CGNL1: variants seen among roughly 807,000 people sequenced by gnomAD.
CGNL1 encodes the protein cingulin like 1.
In CGNL1, 132 loss-of-function variants were observed where a neutral mutation model predicts 141.2. The ratio of observed to expected loss-of-function variants is 0.93; its 90% CI spans 0.81 to 1.08. The LOEUF is 1.08. Among genes scored for constraint, CGNL1 ranks in the 50% least tolerant of loss-of-function variants. The probability of loss-of-function intolerance (pLI) is 0.00; values close to 1 mark genes in which losing one functional copy is unlikely to be tolerated. For missense variants in CGNL1, 1,870 were observed against 1,588.6 expected, an observed-to-expected ratio of 1.18 and a Z score of -3.01; for synonymous variants, 690 against 622.1, an observed-to-expected ratio of 1.11 and a Z score of -1.63.
At chr15:57,522,861 A>G (rs2031359796) in intron 10 of CGNL1, among the ~76,000 whole-genome samples, 1 of 152,174 alleles carries the variant, frequency 6.6e-6, no homozygotes, top group Non-Finnish European at 1.5e-5. Flanking sequence ...TTATCTGAGT[A>G]GTGTCTCTTC....
At chr15:57,517,768 T>C (rs2030929190) in intron 9 of CGNL1, among the ~76,000 whole-genome samples, 1 of 152,182 alleles carries the variant, frequency 6.6e-6, no homozygotes. Context: ...TTTGAGCCCA[T>C]TCATAAGGGC....
intron 1 of CGNL1, among the ~76,000 whole-genome samples, chr15:57,408,473 T>C (rs1260762396): frequency 5.3e-5 from 8 of 152,190 alleles, no homozygotes; most frequent in African/African-American, 1.9e-4. Context: ...AAGCAAAGTT[T>C]GGACAGTTTT....
Position 57,438,927 on chromosome 15 carries a change from T to C in CGNL1, c.928T>C (p.Tyr310His), listed in dbSNP as rs1287560449. The C allele has an allele frequency of 1.2e-6, 2 of 1,614,080 alleles. No homozygotes were observed. Among genetic ancestry groups the C allele is most frequent in the African/African-American group, 1.3e-5 (1 of 74,934 alleles). The change falls in exon 2 of 19, where the codon TAC becomes CAC. Residue 310 changes from tyrosine (Y) to histidine (H), a missense_variant. Tyr to His is a moderately conservative substitution (Grantham distance 83, BLOSUM62 2). Transcript: ENST00000281282. ...AACTCCCACGTCAGCCAACTCTTTG[T>C]ACAGGTTTTTACTGGATGATCAGGA... ...STTPTSANSL[Y>H]RFLLDDQECA...
chr15:57,548,528 G>C lies in CGNL1; in HGVS notation c.*1038G>C, dbSNP rs1171520136. ...ACAGGGGAAAGCCAGAAGGTTGCTTGTGTCTGTGACTGCAGCTATGGCCTT... is the reference window on the plus strand; with the variant it reads ...ACAGGGGAAAGCCAGAAGGTTGCTTCTGTCTGTGACTGCAGCTATGGCCTT... On this transcript the variant is annotated 3_prime_UTR_variant, in exon 19 of 19. Coordinates refer to ENST00000281282, the MANE Select transcript of CGNL1 (RefSeq NM_032866.5). 1 of 152,262 alleles carries C rather than the reference G, an allele frequency of 6.6e-6. No homozygotes were observed. The highest frequency in any genetic ancestry group is 2.4e-5 in the African/African-American group (1 of 41,450). The allele number at this position is 152,262 out of a possible 1,614,324, so 9.4% of individuals were successfully genotyped here. A position where few individuals can be genotyped will look rare whatever the true frequency, so the allele number is the denominator to read the frequency against.
intron 8 of CGNL1, among the ~76,000 whole-genome samples, chr15:57,488,940 T>C (rs1362757779): frequency 1.3e-5 from 2 of 152,182 alleles, no homozygotes; most frequent in Non-Finnish European, 2.9e-5. Context: ...CAGGTTGAAA[T>C]TGAAGCAGTA....
intron 8 of CGNL1, among the ~76,000 whole-genome samples, chr15:57,511,933 A>C (rs1383751799): frequency 6.6e-6 from 1 of 152,248 alleles, no homozygotes; most frequent in Non-Finnish European, 1.5e-5. Flanking sequence ...GGTTTTATTT[A>C]TGATGGTGCT....
At chr15:57,411,681 G>A (rs1361762480) in intron 1 of CGNL1, among the ~76,000 whole-genome samples, 2 of 151,522 alleles carry the variant, frequency 1.3e-5, no homozygotes, top group Non-Finnish European at 2.9e-5. Flanking sequence ...TTGACTTCAG[G>A]TGATCCACCC....
chr15:57,409,037 TCACACACACA>T lies in CGNL1; in HGVS notation c.-15-28921_-15-28912del, dbSNP rs59988268. ...GCCTGGGTGAGACAGTGAGACTCTG[TCACACACACA>T]CACACACACACACACACACACACAC... On this transcript the variant is annotated intron_variant, in intron 1 of 18. Transcript: ENST00000281282. 6.9e-4 allele frequency among the ~76,000 whole-genome samples: 98 copies of T among 141,832 alleles called. No individual in the cohort carries two copies. The South Asian group carries it at 0.018, about 27-fold the overall frequency. The allele number at this position is 141,832 out of a possible 152,430, so 93.0% of individuals were successfully genotyped here. A position where few individuals can be genotyped will look rare whatever the true frequency, so the allele number is the denominator to read the frequency against.
chr15:57,388,908 A>C (rs925889550), intron 1 of CGNL1, among the ~76,000 whole-genome samples: 1 of 152,224 alleles, frequency 6.6e-6, no homozygotes, highest in Non-Finnish European at 1.5e-5. Context: ...TGGAAGAAGG[A>C]GTCTGGCTGA....
At chr15:57,386,506 C>T (rs1406702504) in intron 1 of CGNL1, among the ~76,000 whole-genome samples, 5 of 152,176 alleles carry the variant, frequency 3.3e-5, no homozygotes, top group African/African-American at 1.2e-4. Context: ...AGGAGGCCCC[C>T]CAAATAGTTC....
intron 1 of CGNL1, among the ~76,000 whole-genome samples, chr15:57,419,443 T>A (rs2062888794): frequency 2.0e-5 from 3 of 152,210 alleles, no homozygotes; most frequent in Non-Finnish European, 4.4e-5. Flanking sequence ...TTATTTAATG[T>A]CCTTTTTCTG....
chr15:57,378,903 C>T (rs957010469), intron 1 of CGNL1, among the ~76,000 whole-genome samples: 6 of 152,202 alleles, frequency 3.9e-5, no homozygotes, highest in South Asian at 2.1e-4. Context: ...GAGGTGTGCA[C>T]CCTGTGGGAG....
chr15:57,438,558 A>C lies in CGNL1; in HGVS notation c.559A>C (p.Lys187Gln). Reference protein sequence around the residue: ...TLTEEGINNKKPWTCFPKPSN... With the variant: ...TLTEEGINNKQPWTCFPKPSN... The stretch of plus-strand genomic sequence containing the variant: ...GACAGAAGAAGGCATCAACAATAAG[A>C]AGCCTTGGACTTGCTTTCCCAAACC... The change falls in exon 2 of 19, where the codon AAG becomes CAG. Residue 187 changes from lysine (K) to glutamine (Q), a missense_variant. Lys to Gln is a moderately conservative substitution (Grantham distance 53). Coordinates refer to ENST00000281282, the MANE Select transcript of CGNL1 (RefSeq NM_032866.5). 1 of 1,613,790 alleles carries C rather than the reference A, an allele frequency of 6.2e-7. No individual in the cohort carries two copies. The highest frequency in any genetic ancestry group is 8.5e-7 in the Non-Finnish European group (1 of 1,180,034).
intron 8 of CGNL1, among the ~76,000 whole-genome samples, chr15:57,512,775 G>A (rs890181050): frequency 6.6e-6 from 1 of 152,130 alleles, no homozygotes. Flanking sequence ...ATGAAAGGGT[G>A]CTGACCACAC....
intron 1 of CGNL1, among the ~76,000 whole-genome samples, chr15:57,389,117 A>G (rs2152227627): frequency 6.6e-6 from 1 of 152,180 alleles, no homozygotes; most frequent in East Asian, 1.9e-4. Flanking sequence ...GCACCTGGGC[A>G]GCTGGGCTTT....
intron 14 of CGNL1, among the ~76,000 whole-genome samples, chr15:57,537,147 A>T (rs1309520407): frequency 6.6e-6 from 1 of 152,224 alleles, no homozygotes; most frequent in African/African-American, 2.4e-5. Flanking sequence ...TCTCTTGGCT[A>T]TGGAGACCAT....
In CGNL1 at chr15:57,395,021, A is replaced by C. The variant is rs529302698; in HGVS notation, c.-16+18454A>C. ...CAGCTACCTGGGGGTTGAAGCAGGA[A>C]AACTGCTTGAACCTGGGAGGCGGAG... On this transcript the variant is annotated intron_variant, in intron 1 of 18. Transcript: ENST00000281282. Among the ~76,000 whole-genome samples, 4 of 152,308 alleles carry C rather than the reference A, an allele frequency of 2.6e-5. No homozygotes were observed. In the South Asian group the frequency reaches 6.2e-4, roughly 24 times the overall value.
intron 1 of CGNL1, among the ~76,000 whole-genome samples, chr15:57,422,374 C>A (rs1308527170): frequency 6.7e-6 from 1 of 150,194 alleles, no homozygotes; most frequent in African/African-American, 2.5e-5. Context: ...TCAAGGCTCC[C>A]ATGGGAGAGA....
intron 1 of CGNL1, among the ~76,000 whole-genome samples, chr15:57,401,458 C>T (rs2062659592): frequency 6.6e-6 from 1 of 152,074 alleles, no homozygotes; most frequent in African/African-American, 2.4e-5. Flanking sequence ...TAAAAAGTTC[C>T]CAAGTGATTC....
Sources: allele counts gnomAD v4.1 joint callset (sites outside exome capture counted in the v4.1 genomes callset), GRCh38; gene constraint gnomAD v4.1.1; transcripts MANE v1.5; gene names NCBI Gene and HGNC (gene_info 2026-07-23, HGNC 2026-07-21).